The following TRIM8 variants were observed in gnomAD, a reference collection of about 807,000 sequenced individuals.
The protein encoded by TRIM8 is tripartite motif containing 8, also known as E3 ubiquitin-protein ligase TRIM8.
TRIM8 carries 9 observed loss-of-function variants against 55.7 expected under a neutral mutation model. That is an observed-to-expected ratio of 0.16 (90% confidence interval 0.10 to 0.28). The LOEUF (loss-of-function observed/expected upper bound fraction) is 0.28. Among genes scored for constraint, TRIM8 ranks in the 10% least tolerant of loss-of-function variants. The pLI is 1.00. For synonymous variants in TRIM8, 335 were observed against 333.3 expected, an observed-to-expected ratio of 1.01 and a Z score of -0.06; for missense variants, 556 against 736.4, an observed-to-expected ratio of 0.76 and a Z score of 2.83.
chr10:102,654,565 C>T, intron 1 of TRIM8, 88 bp from the exon 2 acceptor site: 1 of 1,039,996 alleles, frequency 9.6e-7, no homozygotes, highest in Middle Eastern at 2.0e-4. Context: ...TCAAAGGATC[C>T]ATAGGATGCA....
chr10:102,653,226 G>A (rs1564721017), intron 1 of TRIM8, among the ~76,000 whole-genome samples: 1 of 152,202 alleles, frequency 6.6e-6, no homozygotes, highest in African/African-American at 2.4e-5. Flanking sequence ...GGACAGGGAG[G>A]GACCTGCACA....
intron 1 of TRIM8, among the ~76,000 whole-genome samples, chr10:102,646,774 A>G (rs2063939466): frequency 6.6e-6 from 1 of 152,206 alleles, no homozygotes; most frequent in Non-Finnish European, 1.5e-5. Flanking sequence ...GGAAAAGTGC[A>G]GAGGCAGGAG....
intron 1 of TRIM8, chr10:102,653,751 G>A (rs972821231): frequency 4.6e-5 from 7 of 152,236 alleles, no homozygotes; most frequent in Non-Finnish European, 8.8e-5. Context: ...GGGGTGACTG[G>A]CCTGATGCCC....
chr10:102,657,097 G>A lies in TRIM8; in HGVS notation c.1399G>A (p.Val467Ile), dbSNP rs746399629. Reference sequence around the variant, plus strand: ...CCAGTATGGCGGCCGCAAGATTCTCGTCTGTTCTGTGGACAACTGTTACTG... The same window carrying A: ...CCAGTATGGCGGCCGCAAGATTCTCATCTGTTCTGTGGACAACTGTTACTG... Reference protein sequence around the residue: ...LPQYGGRKILVCSVDNCYCSS... With the variant: ...LPQYGGRKILICSVDNCYCSS... Residue 467 changes from valine (V) to isoleucine (I), a missense_variant, in exon 6 of 6, where the codon GTC becomes ATC. Transcript: ENST00000643721. 2.5e-6 allele frequency: 4 copies of A among 1,613,702 alleles called. No individual in the cohort carries two copies. Among genetic ancestry groups the A allele is most frequent in the Non-Finnish European group, 3.4e-6 (4 of 1,179,988 alleles).
intron 1 of TRIM8, among the ~76,000 whole-genome samples, chr10:102,652,883 A>G (rs1442990230): frequency 2.0e-5 from 3 of 151,084 alleles, no homozygotes; most frequent in Non-Finnish European, 4.4e-5. Context: ...GGCTCGCTAC[A>G]GCCTTCGTCT....
At chr10:102,645,302 G>A (rs2063924929) in intron 1 of TRIM8, 115 bp downstream of exon 1, 1 of 1,197,506 alleles carries the variant, frequency 8.4e-7, no homozygotes, top group African/African-American at 1.6e-5. Context: ...CATCAGGCCA[G>A]TGGCCCCTGG....
chr10:102,648,565 C>T (rs2063954368), intron 1 of TRIM8, among the ~76,000 whole-genome samples: 1 of 152,106 alleles, frequency 6.6e-6, no homozygotes, highest in Non-Finnish European at 1.5e-5. Flanking sequence ...GTGAGGGTAT[C>T]CTGTGCACAT....
chr10:102,652,253 T>C (rs2063991450), intron 1 of TRIM8, among the ~76,000 whole-genome samples: 1 of 151,978 alleles, frequency 6.6e-6, no homozygotes, highest in African/African-American at 2.4e-5. Context: ...CAAAATAGGG[T>C]CAGGCTGAAG....
intron 1 of TRIM8, among the ~76,000 whole-genome samples, chr10:102,648,694 A>G (rs1422648361): frequency 6.6e-6 from 1 of 152,074 alleles, no homozygotes; most frequent in Non-Finnish European, 1.5e-5. Flanking sequence ...GCTGGTGCTG[A>G]GGCTGGGGCT....
chr10:102,655,842 T>C (rs1345933044), intron 3 of TRIM8, among the ~76,000 whole-genome samples: 2 of 152,196 alleles, frequency 1.3e-5, no homozygotes, highest in African/African-American at 4.8e-5. Flanking sequence ...AGTGTGGGCC[T>C]GCAGAGCCCT....
In TRIM8 at chr10:102,657,768, G is replaced by T. The variant is rs2064041193; in HGVS notation, c.*414G>T. 6.0e-6 allele frequency: 1 copy of T among 167,502 alleles called. No homozygotes were observed. 10.4% of individuals were successfully genotyped at this position (167,502 alleles called of 1,614,324 possible). A position where few individuals can be genotyped will look rare whatever the true frequency, so the allele number is the denominator to read the frequency against. ...ACCCGGGAGGAACGCCCAGGGCCCC[G>T]GGCTTGTTTCTCCTCTTGTTTTCCT... On this transcript the variant is annotated 3_prime_UTR_variant, in exon 6 of 6. Coordinates refer to ENST00000643721, the MANE Select transcript of TRIM8 (RefSeq NM_030912.3).
In TRIM8 at chr10:102,657,120, C is replaced by G; in HGVS notation, c.1422C>G (p.Tyr474Ter). Residue 474 changes from tyrosine (Y) to a stop codon, truncating the protein, a stop_gained, in exon 6 of 6, where the codon TAC becomes TAG. Transcript: ENST00000643721. LOFTEE classifies it high-confidence loss of function. ...KILVCSVDNCYCSSVANHGGH... is the reference protein window; with the variant it reads ...KILVCSVDNC ...TCGTCTGTTCTGTGGACAACTGTTACTGTTCTTCCGTGGCCAACCATGGCG... is the reference window on the plus strand; with the variant it reads ...TCGTCTGTTCTGTGGACAACTGTTAGTGTTCTTCCGTGGCCAACCATGGCG... 1 of 1,613,940 alleles carries G rather than the reference C, an allele frequency of 6.2e-7. No homozygotes were observed. Among genetic ancestry groups the G allele is most frequent in the South Asian group, 1.1e-5 (1 of 91,086 alleles).
chr10:102,655,428 G>A, intron 3 of TRIM8, 115 bp downstream of exon 3: 1 of 986,886 alleles, frequency 1.0e-6, no homozygotes, highest in Admixed American at 2.8e-5. Flanking sequence ...CAGCATGCAT[G>A]GGTTCAAATC....
rs781354740 is a variant in TRIM8, at chr10:102,657,211, C to G, written c.1513C>G (p.Pro505Ala). 6.2e-7 allele frequency: 1 copy of G among 1,613,970 alleles called. No homozygotes were observed. The highest frequency in any genetic ancestry group is 8.5e-7 in the Non-Finnish European group (1 of 1,179,956). ...WTVPSQEYSH[P>A]LPPTPSVPQS... ...AGTGCCCTCGCAGGAGTACTCACACCCGCTCCCGCCCACACCCTCCGTCCC... is the reference window on the plus strand; with the variant it reads ...AGTGCCCTCGCAGGAGTACTCACACGCGCTCCCGCCCACACCCTCCGTCCC... Residue 505 changes from proline to alanine, a missense_variant, in exon 6 of 6, where the codon CCG becomes GCG. Around this residue, in one of 2 missense-constraint regions of TRIM8, gnomAD observed 391 missense variants for 441.0 expected, o/e 0.89. Coordinates refer to ENST00000643721, the MANE Select transcript of TRIM8 (RefSeq NM_030912.3).
At chr10:102,650,361 G>A (rs1378948823) in intron 1 of TRIM8, among the ~76,000 whole-genome samples, 2 of 152,166 alleles carry the variant, frequency 1.3e-5, no homozygotes, top group Non-Finnish European at 2.9e-5. Flanking sequence ...CAGCGGCAAA[G>A]CTGAGGAGTG....
chr10:102,654,462 G>C, intron 1 of TRIM8, 191 bp from the exon 2 acceptor site: 1 of 577,388 alleles, frequency 1.7e-6, no homozygotes, highest in East Asian at 2.9e-5. Context: ...AAATAAATAT[G>C]CATGGGAAGC....
At chr10:102,648,466 G>A (rs911066909) in intron 1 of TRIM8, among the ~76,000 whole-genome samples, 5 of 152,146 alleles carry the variant, frequency 3.3e-5, no homozygotes, top group Non-Finnish European at 7.4e-5. Context: ...CCTGTTCCTT[G>A]CATTTTCAGA....
intron 1 of TRIM8, among the ~76,000 whole-genome samples, chr10:102,646,233 A>AT (rs2063934288): frequency 6.6e-6 from 1 of 152,138 alleles, no homozygotes; most frequent in African/African-American, 2.4e-5. Flanking sequence ...GGGTTGAGTC[A>AT]TACCAAAATG....
chr10:102,656,259 A>G lies in TRIM8; in HGVS notation c.933-11A>G, dbSNP rs752072338. On this transcript the variant is annotated splice_polypyrimidine_tract_variant and intron_variant, in intron 4 of 5. Coordinates refer to ENST00000643721, the MANE Select transcript of TRIM8 (RefSeq NM_030912.3). The surrounding 1 kb of genome is among the most constrained non-coding windows in gnomAD (Gnocchi z 4.6). ...CCTCCTCACAGCAGATGCCCCGTCC[A>G]CTGCCCCCAGGACCCAGACCTGCAC... The G allele has an allele frequency of 6.2e-7, 1 of 1,614,172 alleles. No homozygotes were observed. The highest frequency in any genetic ancestry group is 8.5e-7 in the Non-Finnish European group (1 of 1,180,020).
Sources: gnomAD v4.1 joint callset for allele counts (sites outside exome capture counted in the v4.1 genomes callset) on GRCh38, gnomAD v4.1.1 for gene constraint, gnomAD v4.1.1 regional missense constraint, Gnocchi (gnomAD v3.1) non-coding constraint, MANE v1.5 for transcripts, NCBI Gene and HGNC (gene_info 2026-07-23, HGNC 2026-07-21) for gene names.